Variants in IRS1 observed in about 807,000 individuals in gnomAD.
IRS1 encodes the protein insulin receptor substrate 1.
A neutral mutation model predicts 65.6 loss-of-function variants in IRS1; 34 were observed. The ratio of observed to expected loss-of-function variants is 0.52; its 90% CI spans 0.39 to 0.69. IRS1 has a LOEUF of 0.69. Among genes scored for constraint, IRS1 ranks in the 30% least tolerant of loss-of-function variants. IRS1 has a pLI of 0.00. For synonymous variants in IRS1, 699 were observed against 683.5 expected (o/e 1.02, Z -0.35); for missense variants, 1,641 against 1,720.2 (o/e 0.95, Z 0.81).
intron 1 of IRS1, among the ~76,000 whole-genome samples, chr2:226,748,165 C>G (rs965084591): frequency 5.3e-5 from 8 of 151,102 alleles, no homozygotes; most frequent in African/African-American, 1.9e-4. Context: ...TGGTGGCTCA[C>G]ACCTGTAATA....
chr2:226,768,782 G>A (rs763628811), intron 1 of IRS1, among the ~76,000 whole-genome samples: 9 of 151,964 alleles, frequency 5.9e-5, no homozygotes, highest in African/African-American at 4.8e-5. Flanking sequence ...GACTATAGGC[G>A]CCCCCCACCA....
Position 226,798,493 on chromosome 2 carries a change from G to A in IRS1, c.246C>T (p.His82=), listed in dbSNP as rs760255455. 5.6e-6 allele frequency: 9 copies of A among 1,614,126 alleles called. 1 individual carries two copies. The South Asian group carries it at 9.9e-5, about 18-fold the overall frequency. ...INKRADSKNK[H]LVALYTRDEH... ...CGTCCCGGGTGTAGAGAGCCACCAG[G>A]TGCTTGTTCTTGGAGTCAGCCCGCT... The change falls in exon 1 of 2, where the codon CAC becomes CAT. Residue 82 remains histidine, a synonymous_variant. Transcript: ENST00000305123. This position sits in a 1 kb window ranked among gnomAD's most constrained non-coding sequence, Gnocchi z 9.4.
chr2:226,753,566 TAC>T (rs1377667307), intron 1 of IRS1, among the ~76,000 whole-genome samples: 1 of 152,204 alleles, frequency 6.6e-6, no homozygotes, highest in Admixed American at 6.5e-5. Flanking sequence ...CCTGATCCAT[TAC>T]AGTGTTTTAT....
Position 226,735,317 on chromosome 2 carries a change from G to C in IRS1, c.*955C>G, listed in dbSNP as rs1938304710. On this transcript the variant is annotated 3_prime_UTR_variant, in exon 2 of 2. Transcript: ENST00000305123. Reference sequence around the variant, plus strand: ...TCATTCCAAAGAGAGCTTTTGAATTGAAGGAATCACCCATCTCCTTCTGTT... The same window carrying C: ...TCATTCCAAAGAGAGCTTTTGAATTCAAGGAATCACCCATCTCCTTCTGTT... The C allele has an allele frequency of 6.6e-6, 1 of 152,178 alleles. No individual in the cohort carries two copies. The highest frequency in any genetic ancestry group is 2.1e-4 in the South Asian group (1 of 4,826). The allele number at this position is 152,178 out of a possible 1,614,324, so 9.4% of individuals were successfully genotyped here. A position where few individuals can be genotyped will look rare whatever the true frequency, so the allele number is the denominator to read the frequency against.
chr2:226,761,603 C>A (rs556311132), intron 1 of IRS1, among the ~76,000 whole-genome samples: 2 of 152,202 alleles, frequency 1.3e-5, no homozygotes, highest in Admixed American at 6.5e-5. Context: ...AACTTTAAAT[C>A]GAATAAAAGC....
chr2:226,737,915 C>T (rs1938361207), intron 1 of IRS1, among the ~76,000 whole-genome samples: 2 of 152,142 alleles, frequency 1.3e-5, no homozygotes, highest in African/African-American at 4.8e-5. Flanking sequence ...GAAAAGGACG[C>T]TTCCCATTGA....
chr2:226,748,139 C>T (rs1021896403), intron 1 of IRS1, among the ~76,000 whole-genome samples: 16 of 150,736 alleles, frequency 1.1e-4, no homozygotes, highest in Non-Finnish European at 1.5e-5. Context: ...AAAAAAAAAT[C>T]CTCAAGGGCC....
intron 1 of IRS1, among the ~76,000 whole-genome samples, chr2:226,751,687 C>G (rs571626317): frequency 6.6e-6 from 1 of 152,064 alleles, no homozygotes; most frequent in East Asian, 1.9e-4. Flanking sequence ...AAGCTGTGAC[C>G]CAGTACATTT....
At chr2:226,740,918 ATAAAT>A (rs1938422464) in intron 1 of IRS1, among the ~76,000 whole-genome samples, 1 of 152,184 alleles carries the variant, frequency 6.6e-6, no homozygotes, top group African/African-American at 2.4e-5. Flanking sequence ...GAAAATTAAT[ATAAAT>A]TAATTTCCTC....
In IRS1 at chr2:226,798,735, C is replaced by T. The variant is rs146417400; in HGVS notation, c.4G>A (p.Ala2Thr). 1.2e-6 allele frequency: 2 copies of T among 1,610,660 alleles called. No homozygotes were observed. The highest frequency in any genetic ancestry group is 2.7e-5 in the African/African-American group (2 of 74,898). Residue 2 changes from alanine to threonine, a missense_variant, in exon 1 of 2, where the codon GCG becomes ACG. Transcript: ENST00000305123. The surrounding 1 kb of genome is among the most constrained non-coding windows in gnomAD (Gnocchi z 9.4). M[A>T]SPPESDGFSD... Reference sequence around the variant, plus strand: ...AAGCCATCGCTCTCCGGAGGGCTCGCCATGCTGCCACCGCCACCACCAACG... The same window carrying T: ...AAGCCATCGCTCTCCGGAGGGCTCGTCATGCTGCCACCGCCACCACCAACG...
chr2:226,775,803 T>G (rs1407056394), intron 1 of IRS1, among the ~76,000 whole-genome samples: 1 of 152,244 alleles, frequency 6.6e-6, no homozygotes. Flanking sequence ...TCCGGTATAC[T>G]GTAAATCATC....
In IRS1 at chr2:226,733,827, A is replaced by T. The variant is rs1938275959; in HGVS notation, c.*2445T>A. ...AAATCGGTAGTTTGATGCCACCATC[A>T]AAACCAGCTCAGGCACCACTAGAAG... On this transcript the variant is annotated 3_prime_UTR_variant, in exon 2 of 2. Coordinates refer to ENST00000305123, the MANE Select transcript of IRS1 (RefSeq NM_005544.3). The T allele has an allele frequency of 6.6e-6, 1 of 152,220 alleles. No homozygotes were observed. The highest frequency in any genetic ancestry group is 1.5e-5 in the Non-Finnish European group (1 of 68,034). The allele number at this position is 152,220 out of a possible 1,614,324, so 9.4% of individuals were successfully genotyped here. A position where few individuals can be genotyped will look rare whatever the true frequency, so the allele number is the denominator to read the frequency against.
At chr2:226,787,581 GC>G (rs1429372026) in intron 1 of IRS1, among the ~76,000 whole-genome samples, 1 of 152,106 alleles carries the variant, frequency 6.6e-6, no homozygotes, top group Admixed American at 6.5e-5. Context: ...GCTCAATAGA[GC>G]TTACTGAGTA....
At chr2:226,785,374 G>A (rs766393083) in intron 1 of IRS1, among the ~76,000 whole-genome samples, 18 of 152,204 alleles carry the variant, frequency 1.2e-4, no homozygotes, top group South Asian at 1.0e-3. Flanking sequence ...AGGCTGAGGC[G>A]GGTGGATCAC....
intron 1 of IRS1, among the ~76,000 whole-genome samples, chr2:226,787,581 G>A (rs1939510067): frequency 6.6e-6 from 1 of 152,106 alleles, no homozygotes; most frequent in East Asian, 1.9e-4. Flanking sequence ...GCTCAATAGA[G>A]CTTACTGAGT....
rs898364850 is a variant in IRS1, at chr2:226,733,291, A to G, written c.*2981T>C. The G allele has an allele frequency of 6.6e-6, 1 of 152,234 alleles. No homozygotes were observed. Among genetic ancestry groups the G allele is most frequent in the African/African-American group, 2.4e-5 (1 of 41,466 alleles). The allele number at this position is 152,234 out of a possible 1,614,324, so 9.4% of individuals were successfully genotyped here. A position where few individuals can be genotyped will look rare whatever the true frequency, so the allele number is the denominator to read the frequency against. On this transcript the variant is annotated 3_prime_UTR_variant, in exon 2 of 2. Transcript: ENST00000305123. ...GTTAAAAATCTCTACTTCTGGCTAG[A>G]TGACTTTTAGTAGATCCATTTTTGC... is the stretch of plus-strand genomic sequence containing the variant.
At chr2:226,791,652 C>T (rs566498944) in intron 1 of IRS1, among the ~76,000 whole-genome samples, 2 of 152,124 alleles carry the variant, frequency 1.3e-5, no homozygotes, top group East Asian at 3.9e-4. Flanking sequence ...CCGCCACCAC[C>T]GCCAGGGGAC....
At chr2:226,743,613 C>G (rs1324978413) in intron 1 of IRS1, among the ~76,000 whole-genome samples, 1 of 152,186 alleles carries the variant, frequency 6.6e-6, no homozygotes. Flanking sequence ...ATATTCCCTA[C>G]TAAGTGAGAA....
intron 1 of IRS1, among the ~76,000 whole-genome samples, chr2:226,766,144 TATATA>T (rs1559151973): frequency 6.2e-4 from 3 of 4,842 alleles, no homozygotes; most frequent in East Asian, 3.0e-3. Flanking sequence ...TATATATATA[TATATA>T]TATATATATA....
Sources: gnomAD v4.1 joint callset for allele counts (sites outside exome capture counted in the v4.1 genomes callset) on GRCh38, gnomAD v4.1.1 for gene constraint, Gnocchi (gnomAD v3.1) non-coding constraint, MANE v1.5 for transcripts, NCBI Gene and HGNC (gene_info 2026-07-23, HGNC 2026-07-21) for gene names.